DDX24: variants seen among roughly 807,000 people sequenced by gnomAD.
DDX24 encodes the protein ATP-dependent RNA helicase DDX24.
DDX24 carries 24 observed loss-of-function variants against 68.9 expected under a neutral mutation model. The observed-to-expected ratio is 0.35, with a 90% CI of 0.25 to 0.49. The LOEUF is 0.49. DDX24 is among the 20% of genes least tolerant of loss of function. The pLI, the probability that DDX24 is intolerant of heterozygous loss-of-function variation, is 0.99. For missense variants in DDX24, 989 were observed against 1,039.0 expected (o/e 0.95, Z 0.66); for synonymous variants, 395 against 385.2 (o/e 1.03, Z -0.30).
chr14:94,060,502 C>T lies in DDX24; in HGVS notation c.1509G>A (p.Thr503=), dbSNP rs775552312. Residue 503 remains threonine (T), a synonymous_variant, in exon 5 of 9, where the codon ACG becomes ACA. Transcript: ENST00000621632. ...GGGTGAGTGTGGCAGAAAAAACAAGCGTTTGTCTCTTTGGGTTGTATTGGG... is the reference window on the plus strand; with the variant it reads ...GGGTGAGTGTGGCAGAAAAAACAAGTGTTTGTCTCTTTGGGTTGTATTGGG... ...NDSQYNPKRQ[T]LVFSATLTLV... 7.4e-6 allele frequency: 12 copies of T among 1,614,110 alleles called. No individual in the cohort carries two copies. The East Asian group carries it at 8.9e-5, about 12-fold the overall frequency.
At position 94,080,711 on chromosome 14, in the gene DDX24, A is replaced by AC. The variant is rs1449750696; in HGVS notation, c.-6+407_-6+408insG. ...GCGCCACGGCAAAAAAACAAAAAACAAACAAAAAAAAACACAAAGAAACAC... is the reference window on the plus strand; with the variant it reads ...GCGCCACGGCAAAAAAACAAAAAACACAACAAAAAAAAACACAAAGAAACAC... On this transcript the variant is annotated intron_variant, in intron 1 of 8. Transcript: ENST00000621632. Among the ~76,000 whole-genome samples the AC allele has an allele frequency of 4.8e-3, 705 of 147,080 alleles. 4 individuals carry two copies. Among genetic ancestry groups the AC allele is most frequent in the African/African-American group, 0.017 (653 of 39,058 alleles).
intron 2 of DDX24, among the ~76,000 whole-genome samples, chr14:94,068,041 T>C (rs1305589963): frequency 6.6e-5 from 10 of 152,190 alleles, no homozygotes; most frequent in Non-Finnish European, 1.5e-4. Context: ...ATGGTCTAAA[T>C]GCTCCACTTA....
chr14:94,069,780 G>C (rs565143954), intron 2 of DDX24, among the ~76,000 whole-genome samples: 1 of 152,226 alleles, frequency 6.6e-6, no homozygotes, highest in East Asian at 1.9e-4. Flanking sequence ...TCAATAGATG[G>C]AGAAAAAGCA....
intron 2 of DDX24, among the ~76,000 whole-genome samples, chr14:94,070,481 T>A (rs1443092841): frequency 6.6e-6 from 1 of 152,096 alleles, no homozygotes; most frequent in African/African-American, 2.4e-5. Flanking sequence ...AATACCACCA[T>A]CATTCTTCAC....
intron 2 of DDX24, among the ~76,000 whole-genome samples, chr14:94,064,644 A>G (rs1047601098): frequency 2.6e-5 from 4 of 152,102 alleles, no homozygotes; most frequent in African/African-American, 7.2e-5. Context: ...TCCATGCCCT[A>G]CCTCTCCTGA....
intron 2 of DDX24, 130 bp downstream of exon 2, chr14:94,078,895 A>G (rs1467928951): frequency 2.9e-6 from 3 of 1,030,116 alleles, no homozygotes; most frequent in Non-Finnish European, 4.3e-6. Context: ...GCTGACTTCT[A>G]AACACCTTTA....
In DDX24 at chr14:94,051,097, G is replaced by T; in HGVS notation, c.*94C>A. ...GAAGAGAGGGAGACTTTTTTACCTG[G>T]GGTTGGTGGTGGAGTGAAACACAAG... On this transcript the variant is annotated 3_prime_UTR_variant, in exon 9 of 9. Transcript: ENST00000621632. 1 of 1,426,836 alleles carries T rather than the reference G, an allele frequency of 7.0e-7. No homozygotes were observed. Among genetic ancestry groups the T allele is most frequent in the Non-Finnish European group, 9.3e-7 (1 of 1,072,796 alleles). 88.4% of individuals were successfully genotyped at this position (1,426,836 alleles called of 1,614,324 possible).
At chr14:94,054,404 C>G (rs542766367) in intron 7 of DDX24, among the ~76,000 whole-genome samples, 2 of 152,318 alleles carry the variant, frequency 1.3e-5, no homozygotes, top group Non-Finnish European at 2.9e-5. Context: ...CACATCTTTG[C>G]CAGCAGGAAG....
Position 94,051,308 on chromosome 14 carries a change from A to T in DDX24, c.2463T>A (p.Ser821=), listed in dbSNP as rs200404796. ...TQSGKPPLLV[S]APSKSESALS... The stretch of plus-strand genomic sequence containing the variant: ...AAGCAGACTCGCTCTTACTTGGGGC[A>T]GACACAAGCAGGGGCGGCTTGCCAG... Residue 821 remains serine, a synonymous_variant, in exon 9 of 9, where the codon TCT becomes TCA. Transcript: ENST00000621632. 6.2e-7 allele frequency: 1 copy of T among 1,613,268 alleles called. No individual in the cohort carries two copies. The highest frequency in any genetic ancestry group is 8.5e-7 in the Non-Finnish European group (1 of 1,179,848).
Position 94,078,028 on chromosome 14 carries a change from TA to T in DDX24, c.718+996del, listed in dbSNP as rs559505980. 4.3e-3 allele frequency among the ~76,000 whole-genome samples: 608 copies of T among 142,226 alleles called. 3 individuals are homozygous for T. Among genetic ancestry groups the T allele is most frequent in the Middle Eastern group, 0.014 (4 of 284 alleles). The allele number at this position is 142,226 out of a possible 152,430, so 93.3% of individuals were successfully genotyped here. A position where few individuals can be genotyped will look rare whatever the true frequency, so the allele number is the denominator to read the frequency against. On this transcript the variant is annotated intron_variant, in intron 2 of 8. Coordinates refer to ENST00000621632, the MANE Select transcript of DDX24 (RefSeq NM_020414.4). ...TGTGGATCGACAATATTCGGGGGGGTAAAAAAAAAAAAACTGTATCTGTACT... is the reference window on the plus strand; with the variant it reads ...TGTGGATCGACAATATTCGGGGGGGTAAAAAAAAAAAACTGTATCTGTACT...
At position 94,079,526 on chromosome 14, in the gene DDX24, C is replaced by T. The variant is rs1886015771; in HGVS notation, c.217G>A (p.Ala73Thr). The T allele has an allele frequency of 1.2e-6, 2 of 1,614,032 alleles. No individual in the cohort carries two copies. The highest frequency in any genetic ancestry group is 1.7e-6 in the Non-Finnish European group (2 of 1,180,036). Residue 73 changes from alanine (A) to threonine (T), a missense_variant, in exon 2 of 9, where the codon GCA (alanine) becomes ACA (threonine). By Grantham distance (58) the Ala-to-Thr change is moderately conservative (BLOSUM62 0). Around this residue, in one of 3 missense-constraint regions of DDX24, gnomAD observed 295 missense variants for 263.0 expected, o/e 1.12. Transcript: ENST00000621632. Reference sequence around the variant, plus strand: ...ACAGCTTGTGCCTTTCTCTTGGGTGCTTCCTTTGAGAAGAGACTGGAGGGA... The same window carrying T: ...ACAGCTTGTGCCTTTCTCTTGGGTGTTTCCTTTGAGAAGAGACTGGAGGGA... ...KNPSSLFSKE[A>T]PKRKAQAVSE...
rs1171252823 is a variant in DDX24, at chr14:94,079,467, A to AGACTTTCCC, written c.267_275dup (p.Gly90_Ser92dup). ...ACTTGATCTTTTTCTTTGGTGAGCT[A>AGACTTTCCC]GACTTTCCCTCCTCCTCCTCCTCTT... On this transcript the variant is annotated inframe_insertion, in exon 2 of 9. Transcript: ENST00000621632. 1 of 1,613,982 alleles carries AGACTTTCCC rather than the reference A, an allele frequency of 6.2e-7. No individual in the cohort carries two copies. Among genetic ancestry groups the AGACTTTCCC allele is most frequent in the African/African-American group, 1.3e-5 (1 of 74,994 alleles).
intron 2 of DDX24, among the ~76,000 whole-genome samples, chr14:94,075,349 A>C (rs1885915125): frequency 6.6e-6 from 1 of 152,224 alleles, no homozygotes. Context: ...AGAAAGACCC[A>C]CACCTATATG....
At chr14:94,059,552 T>C (rs1257404717) in intron 5 of DDX24, among the ~76,000 whole-genome samples, 1 of 152,252 alleles carries the variant, frequency 6.6e-6, no homozygotes, top group African/African-American at 2.4e-5. Context: ...ATACATACTA[T>C]GTGCTAGAGA....
chr14:94,052,412 G>A (rs1031660515), intron 8 of DDX24, among the ~76,000 whole-genome samples: 2 of 152,130 alleles, frequency 1.3e-5, no homozygotes, highest in African/African-American at 4.8e-5. Context: ...TAAAAGAAGA[G>A]TACTTCCTGC....
intron 2 of DDX24, among the ~76,000 whole-genome samples, chr14:94,077,560 C>G (rs1015570075): frequency 6.6e-6 from 1 of 152,218 alleles, no homozygotes; most frequent in Admixed American, 6.5e-5. Flanking sequence ...TGAGTTTTCT[C>G]ATCTGTAACA....
intron 2 of DDX24, 78 bp downstream of exon 2, chr14:94,078,947 C>T: frequency 7.0e-7 from 1 of 1,420,764 alleles, no homozygotes; most frequent in Non-Finnish European, 9.6e-7. Flanking sequence ...ACATTCTTCT[C>T]TCTCCCAATT....
chr14:94,078,881 A>AG, intron 2 of DDX24, 144 bp downstream of exon 2: 1 of 855,260 alleles, frequency 1.2e-6, no homozygotes, highest in Non-Finnish European at 1.8e-6. Context: ...TTCAAACCAG[A>AG]GGGGCTGACT....
At chr14:94,080,841 C>A (rs1187314064) in intron 1 of DDX24, among the ~76,000 whole-genome samples, 1 of 152,252 alleles carries the variant, frequency 6.6e-6, no homozygotes, top group Non-Finnish European at 1.5e-5. Flanking sequence ...TGACGCCGGT[C>A]CCGCGCGGCC....
Sources: gnomAD v4.1 joint callset for allele counts (sites outside exome capture counted in the v4.1 genomes callset) on GRCh38, gnomAD v4.1.1 for gene constraint, gnomAD v4.1.1 regional missense constraint, MANE v1.5 for transcripts, NCBI Gene and HGNC (gene_info 2026-07-23, HGNC 2026-07-21) for gene names.